The following CLPTM1 variants were observed in gnomAD, a reference collection of about 807,000 sequenced individuals.
The protein encoded by CLPTM1 is putative lipid scramblase CLPTM1.
A neutral mutation model predicts 77.3 loss-of-function variants in CLPTM1; 21 were observed. The ratio of observed to expected loss-of-function variants is 0.27; its 90% CI spans 0.19 to 0.39. CLPTM1 has a LOEUF of 0.39. Ranked by LOEUF, CLPTM1 falls within the 10% of genes least tolerant of loss-of-function variation. The pLI is 1.00. For synonymous variants in CLPTM1, 373 were observed against 381.0 expected (o/e 0.98, Z 0.24); for missense variants, 642 against 921.2 (o/e 0.70, Z 3.92).
chr19:44,985,285 G>T lies in CLPTM1; in HGVS notation c.654G>T (p.Ala218=). The T allele has an allele frequency of 6.2e-7, 1 of 1,612,992 alleles. No individual in the cohort carries two copies. Among genetic ancestry groups the T allele is most frequent in the Non-Finnish European group, 8.5e-7 (1 of 1,179,084 alleles). The change falls in exon 6 of 14, where the codon GCG becomes GCT. Residue 218 remains alanine, a synonymous_variant. Transcript: ENST00000337392. Reference sequence around the variant, plus strand: ...ACCTGCTGACAGGAGAGACAGAAGCGGACCCAGAAATGATCAAGGTAAATG... The same window carrying T: ...ACCTGCTGACAGGAGAGACAGAAGCTGACCCAGAAATGATCAAGGTAAATG... ...TKNLLTGETE[A]DPEMIKRAED...
Position 44,974,320 on chromosome 19 carries a change from C to T in CLPTM1, c.310-119C>T, listed in dbSNP as rs117266306. ...CTCTGCTGCTCTTCCTCTCTCCTCT[C>T]CCCTGTCCTCCATAATTACTGTTCC... On this transcript the variant is annotated intron_variant, in intron 3 of 13. Transcript: ENST00000337392. The T allele has an allele frequency of 5.3e-3, 5,065 of 956,500 alleles. 26 individuals are homozygous for T. Among genetic ancestry groups the T allele is most frequent in the Middle Eastern group, 8.4e-3 (37 of 4,406 alleles). 59.3% of individuals were successfully genotyped at this position (956,500 alleles called of 1,614,324 possible).
chr19:44,981,166 C>T (rs553067936), intron 5 of CLPTM1, among the ~76,000 whole-genome samples: 2 of 145,948 alleles, frequency 1.4e-5, no homozygotes, highest in African/African-American at 5.1e-5. Context: ...TTTTTTGAGA[C>T]AGAGTTTCAC....
At chr19:44,976,534 C>T (rs189047419) in intron 4 of CLPTM1, among the ~76,000 whole-genome samples, 23 of 152,310 alleles carry the variant, frequency 1.5e-4, no homozygotes, top group African/African-American at 5.1e-4. Context: ...ACAATGTGGC[C>T]AACTGAATTC....
intron 1 of CLPTM1, among the ~76,000 whole-genome samples, chr19:44,956,300 C>T (rs1272361801): frequency 6.6e-6 from 1 of 152,176 alleles, no homozygotes; most frequent in Non-Finnish European, 1.5e-5. Context: ...GGGCAAGTTC[C>T]TTTCCCTCTT....
chr19:44,981,338 T>C (rs943498018), intron 5 of CLPTM1, among the ~76,000 whole-genome samples: 1 of 151,980 alleles, frequency 6.6e-6, no homozygotes, highest in Non-Finnish European at 1.5e-5. Context: ...ATAGGGTTTC[T>C]CCATGTTGGT....
At chr19:44,973,012 C>T (rs1970745731) in intron 2 of CLPTM1, 75 bp from the exon 3 acceptor site, 1 of 1,577,936 alleles carries the variant, frequency 6.3e-7, no homozygotes, top group Non-Finnish European at 8.6e-7. Context: ...TGTGCTAAGT[C>T]AGAAGGAAGT....
At chr19:44,961,756 G>A (rs1196942923) in intron 1 of CLPTM1, among the ~76,000 whole-genome samples, 1 of 152,168 alleles carries the variant, frequency 6.6e-6, no homozygotes, top group Non-Finnish European at 1.5e-5. Context: ...GGTCACCACT[G>A]TCCCTAGGTC....
intron 7 of CLPTM1, chr19:44,986,959 C>CCA (rs1970988233): frequency 1.7e-6 from 1 of 602,090 alleles, no homozygotes; most frequent in Admixed American, 3.2e-5. Context: ...TGGAGCTGAG[C>CCA]CACAGCTGCC....
chr19:44,955,585 C>T (rs1029765762), intron 1 of CLPTM1, 118 bp downstream of exon 1: 1 of 1,010,758 alleles, frequency 9.9e-7, no homozygotes, highest in Non-Finnish European at 1.3e-6. Context: ...GCCAGAGGGA[C>T]CTTGAATACC....
intron 2 of CLPTM1, among the ~76,000 whole-genome samples, chr19:44,969,832 C>T (rs988654613): frequency 3.3e-5 from 5 of 151,710 alleles, no homozygotes; most frequent in East Asian, 1.9e-4. Flanking sequence ...GGATTACAGG[C>T]GCCCGCCACC....
chr19:44,956,030 TATGG>T (rs1970458797), intron 1 of CLPTM1, among the ~76,000 whole-genome samples: 1 of 152,090 alleles, frequency 6.6e-6, no homozygotes, highest in Non-Finnish European at 1.5e-5. Flanking sequence ...CAGGGACTGG[TATGG>T]TTGTGGTTTT....
chr19:44,954,861 A>G, upstream of CLPTM1: 3 of 1,208,168 alleles, frequency 2.5e-6, no homozygotes, highest in Non-Finnish European at 3.4e-6. Context: ...ACTTGAACGA[A>G]AGAGTTGTCT....
intron 2 of CLPTM1, among the ~76,000 whole-genome samples, chr19:44,962,929 A>G (rs147931667): frequency 0.019 from 2,934 of 151,956 alleles, 97 homozygotes; most frequent in African/African-American, 0.065. Flanking sequence ...GGAGGCTGAG[A>G]CAGGAGAATG....
intron 2 of CLPTM1, among the ~76,000 whole-genome samples, chr19:44,969,752 A>T (rs1192260598): frequency 6.9e-6 from 1 of 145,772 alleles, no homozygotes; most frequent in Non-Finnish European, 1.5e-5. Flanking sequence ...CAGTGGCATG[A>T]TCTCGGCTCA....
chr19:44,957,816 A>G (rs964550545), intron 1 of CLPTM1, among the ~76,000 whole-genome samples: 3 of 152,206 alleles, frequency 2.0e-5, no homozygotes, highest in African/African-American at 4.8e-5. Context: ...CAGCTTTGCC[A>G]TTCCTTCCTT....
chr19:44,992,660 C>T lies in CLPTM1; in HGVS notation c.1773C>T (p.Asp591=), dbSNP rs1295529355. 1 of 1,613,980 alleles carries T rather than the reference C, an allele frequency of 6.2e-7. No homozygotes were observed. Among genetic ancestry groups the T allele is most frequent in the Non-Finnish European group, 8.5e-7 (1 of 1,179,954 alleles). The change falls in exon 14 of 14, where the codon GAC becomes GAT. Residue 591 remains aspartate (D), a synonymous_variant. Coordinates refer to ENST00000337392, the MANE Select transcript of CLPTM1 (RefSeq NM_001294.4). The surrounding 1 kb of genome is among the most constrained non-coding windows in gnomAD (Gnocchi z 7.7). ...YLYQRWIYRV[D]PTRVNEFGMS... Reference sequence around the variant, plus strand: ...ACCAACGGTGGATCTACCGCGTCGACCCCACCCGAGTCAACGAGTTTGGCA... The same window carrying T: ...ACCAACGGTGGATCTACCGCGTCGATCCCACCCGAGTCAACGAGTTTGGCA...
intron 1 of CLPTM1, among the ~76,000 whole-genome samples, chr19:44,958,343 T>C (rs1018916083): frequency 2.0e-5 from 3 of 150,862 alleles, no homozygotes; most frequent in Non-Finnish European, 4.4e-5. Flanking sequence ...TGGGGAGGAC[T>C]TGGCCTTTAC....
upstream of CLPTM1, chr19:44,954,724 G>T (rs1004112980): frequency 1.6e-6 from 2 of 1,228,912 alleles, no homozygotes; most frequent in Non-Finnish European, 2.0e-6. Flanking sequence ...GAGGGAACGC[G>T]CATGCGTGCT....
At chr19:44,981,235 C>G (rs1970891573) in intron 5 of CLPTM1, among the ~76,000 whole-genome samples, 1 of 152,086 alleles carries the variant, frequency 6.6e-6, no homozygotes, top group African/African-American at 2.4e-5. Flanking sequence ...GCCTCCACCT[C>G]CCAGGTTCAA....
Sources: allele counts gnomAD v4.1 joint callset (sites outside exome capture counted in the v4.1 genomes callset), GRCh38; gene constraint gnomAD v4.1.1; non-coding constraint Gnocchi (gnomAD v3.1); transcripts MANE v1.5; gene names NCBI Gene and HGNC (gene_info 2026-07-23, HGNC 2026-07-21).